Variants in SLMAP observed in about 807,000 individuals in gnomAD.
The protein encoded by SLMAP is sarcolemma associated protein, also known as sarcolemmal membrane-associated protein.
A neutral mutation model predicts 128.8 loss-of-function variants in SLMAP; 44 were observed. The observed-to-expected ratio is 0.34, with a 90% CI of 0.27 to 0.44. The LOEUF (loss-of-function observed/expected upper bound fraction) is 0.44, where lower values mean the gene tolerates loss of function less well. Among genes scored for constraint, SLMAP ranks in the 20% least tolerant of loss-of-function variants. The pLI is 1.00. For synonymous variants in SLMAP, 327 were observed against 348.8 expected (o/e 0.94, Z 0.70); for missense variants, 787 against 985.3 (o/e 0.80, Z 2.69).
In SLMAP at chr3:57,805,249, T is replaced by C. The variant is rs115871740; in HGVS notation, c.199-26134T>C. Among the ~76,000 whole-genome samples the C allele has an allele frequency of 8.1e-3, 1,234 of 152,324 alleles. 9 individuals carry two copies. The highest frequency in any genetic ancestry group is 0.013 in the Non-Finnish European group (918 of 68,026). On this transcript the variant is annotated intron_variant, in intron 2 of 24. Transcript: ENST00000671191. ...TTGTTTTCCCTGTTAGTGTTATTTT[T>C]GGATCATCTTATATATTAGAATAAT...
chr3:57,770,527 T>C (rs2080634265), intron 2 of SLMAP, among the ~76,000 whole-genome samples: 1 of 152,122 alleles, frequency 6.6e-6, no homozygotes, highest in African/African-American at 2.4e-5. Context: ...TGTCAGTTCT[T>C]TGGGGGTAGT....
intron 2 of SLMAP, among the ~76,000 whole-genome samples, chr3:57,787,599 C>T (rs2084506317): frequency 6.6e-6 from 1 of 152,190 alleles, no homozygotes; most frequent in African/African-American, 2.4e-5. Context: ...GCCTGAACCT[C>T]CTGAGAGCTG....
chr3:57,768,962 C>T (rs2080267668), intron 2 of SLMAP, among the ~76,000 whole-genome samples: 1 of 152,098 alleles, frequency 6.6e-6, no homozygotes. Context: ...ACCCCAGTTG[C>T]GTGAGCCAAT....
At chr3:57,873,517 A>G (rs1196637457) in intron 14 of SLMAP, among the ~76,000 whole-genome samples, 1 of 152,172 alleles carries the variant, frequency 6.6e-6, no homozygotes, top group Non-Finnish European at 1.5e-5. Context: ...AAAAATTAAA[A>G]AGTAAAAAAA....
chr3:57,810,676 G>A (rs1454671797), intron 2 of SLMAP, among the ~76,000 whole-genome samples: 3 of 152,064 alleles, frequency 2.0e-5, no homozygotes, highest in Non-Finnish European at 4.4e-5. Flanking sequence ...CAAGGTCGTC[G>A]GTGGCTTTCA....
intron 2 of SLMAP, among the ~76,000 whole-genome samples, chr3:57,771,656 G>T (rs777642603): frequency 2.0e-5 from 3 of 152,154 alleles, no homozygotes; most frequent in African/African-American, 4.8e-5. Flanking sequence ...CTCCCAGACT[G>T]CTGGGATTAT....
Position 57,757,256 on chromosome 3 carries a change from C to T in SLMAP, c.-396C>T. On this transcript the variant is annotated 5_prime_UTR_variant, in exon 2 of 25. Transcript: ENST00000671191. ...CGTTTCCGCCACCAAGGGGGAAAAG[C>T]GGCCGCGATCTCAAACCAAACACAA... The T allele has an allele frequency of 3.6e-6, 1 of 279,698 alleles. No individual in the cohort carries two copies. Among genetic ancestry groups the T allele is most frequent in the South Asian group, 3.6e-5 (1 of 27,402 alleles). 17.3% of individuals were successfully genotyped at this position (279,698 alleles called of 1,614,324 possible).
chr3:57,878,887 T>G (rs915030204), intron 14 of SLMAP, among the ~76,000 whole-genome samples: 14 of 152,242 alleles, frequency 9.2e-5, no homozygotes, highest in African/African-American at 3.4e-4. Context: ...GATTGTCTGG[T>G]TCTTTTATAT....
chr3:57,836,940 A>G (rs1205140286), intron 3 of SLMAP, among the ~76,000 whole-genome samples: 1 of 152,232 alleles, frequency 6.6e-6, no homozygotes, highest in Non-Finnish European at 1.5e-5. Context: ...TTCTGTGAAC[A>G]CATGTAACTT....
At chr3:57,859,988 T>C (rs2094971264) in intron 8 of SLMAP, among the ~76,000 whole-genome samples, 1 of 152,202 alleles carries the variant, frequency 6.6e-6, no homozygotes, top group Non-Finnish European at 1.5e-5. Context: ...AGACTGGCCA[T>C]GAAGTGTTTT....
intron 2 of SLMAP, among the ~76,000 whole-genome samples, chr3:57,826,519 A>G (rs2092936433): frequency 6.6e-6 from 1 of 152,172 alleles, no homozygotes; most frequent in African/African-American, 2.4e-5. Context: ...ATGTTTAAAA[A>G]TATGGTGGCT....
chr3:57,782,983 C>A (rs1028006604), intron 2 of SLMAP, among the ~76,000 whole-genome samples: 1 of 152,196 alleles, frequency 6.6e-6, no homozygotes, highest in African/African-American at 2.4e-5. Flanking sequence ...GTGAGAAATA[C>A]ATTTCTTTTC....
rs905122160 is a variant in SLMAP, at chr3:57,927,542, A to C, written c.*253A>C. On this transcript the variant is annotated 3_prime_UTR_variant, in exon 25 of 25. Coordinates refer to ENST00000671191, the MANE Select transcript of SLMAP (RefSeq NM_001377540.1). Reference sequence around the variant, plus strand: ...GGGTCATTGCTTTAAATTATATAAAATGTATCTGTCTATAAAGAAGATATA... The same window carrying C: ...GGGTCATTGCTTTAAATTATATAAACTGTATCTGTCTATAAAGAAGATATA... The C allele has an allele frequency of 2.6e-6, 1 of 389,386 alleles. No individual in the cohort carries two copies. Among genetic ancestry groups the C allele is most frequent in the East Asian group, 3.8e-5 (1 of 26,638 alleles). 24.1% of individuals were successfully genotyped at this position (389,386 alleles called of 1,614,324 possible).
chr3:57,821,421 C>T (rs1267562040), intron 2 of SLMAP, among the ~76,000 whole-genome samples: 1 of 152,150 alleles, frequency 6.6e-6, no homozygotes, highest in African/African-American at 2.4e-5. Context: ...GAAAACATTT[C>T]ACCACTTCTA....
chr3:57,778,940 C>T lies in SLMAP; in HGVS notation c.198+21091C>T, dbSNP rs145894764. Among the ~76,000 whole-genome samples, 8 of 152,192 alleles carry T rather than the reference C, an allele frequency of 5.3e-5. No individual in the cohort carries two copies. In the East Asian group the frequency reaches 1.5e-3, roughly 29 times the overall value. On this transcript the variant is annotated intron_variant, in intron 2 of 24. Coordinates refer to ENST00000671191, the MANE Select transcript of SLMAP (RefSeq NM_001377540.1). ...TATCTATTGACCCAGCAGTTCTTCT[C>T]CTAGGTATATACTCTAGGAAATTTT...
At chr3:57,907,364 A>G (rs1281453763) in intron 17 of SLMAP, among the ~76,000 whole-genome samples, 1 of 152,208 alleles carries the variant, frequency 6.6e-6, no homozygotes, top group Non-Finnish European at 1.5e-5. Flanking sequence ...GGAAATGATG[A>G]TGACAAAGTA....
In SLMAP at chr3:57,769,952, C is replaced by T. The variant is rs773149024; in HGVS notation, c.198+12103C>T. ...TGGTTAAGATATAGTTTAAAAGTCT[C>T]GATCTGCACCTCAATCAGTTCAGCA... On this transcript the variant is annotated intron_variant, in intron 2 of 24. Coordinates refer to ENST00000671191, the MANE Select transcript of SLMAP (RefSeq NM_001377540.1). Among the ~76,000 whole-genome samples, 22 of 152,038 alleles carry T rather than the reference C, an allele frequency of 1.4e-4. No individual in the cohort carries two copies. The South Asian group carries it at 1.5e-3, about 10-fold the overall frequency.
intron 22 of SLMAP, among the ~76,000 whole-genome samples, chr3:57,920,708 A>G (rs1379740969): frequency 6.6e-6 from 1 of 152,114 alleles, no homozygotes; most frequent in African/African-American, 2.4e-5. Flanking sequence ...TCTTCCTTCT[A>G]AAACCTTCAG....
chr3:57,793,849 C>T, intron 2 of SLMAP, among the ~76,000 whole-genome samples: 1 of 150,276 alleles, frequency 6.7e-6, no homozygotes. Flanking sequence ...CACTTCAGCC[C>T]AGAAGTTCAA....
Sources: gnomAD v4.1 joint callset for allele counts (sites outside exome capture counted in the v4.1 genomes callset) on GRCh38, gnomAD v4.1.1 for gene constraint, MANE v1.5 for transcripts, NCBI Gene and HGNC (gene_info 2026-07-23, HGNC 2026-07-21) for gene names.